AFG1L: variants seen among roughly 807,000 people sequenced by gnomAD.
The protein encoded by AFG1L is AFG1-like ATPase.
A neutral mutation model predicts 62.2 loss-of-function variants in AFG1L; 53 were observed. That is an observed-to-expected ratio of 0.85 (90% CI 0.68 to 1.07). The LOEUF (loss-of-function observed/expected upper bound fraction) is 1.07, where lower values mean the gene tolerates loss of function less well. AFG1L is among the 50% of genes least tolerant of loss of function. The pLI, the probability that AFG1L is intolerant of heterozygous loss-of-function variation, is 0.00. For missense variants in AFG1L, 555 were observed against 590.5 expected (o/e 0.94, Z 0.62); for synonymous variants, 228 against 210.3 (o/e 1.08, Z -0.73).
intron 6 of AFG1L, among the ~76,000 whole-genome samples, chr6:108,370,112 G>T (rs550131373): frequency 7.2e-5 from 10 of 139,152 alleles, no homozygotes; most frequent in African/African-American, 2.7e-4. Flanking sequence ...GAGTGAGGGG[G>T]AGAAGGATGC....
intron 6 of AFG1L, among the ~76,000 whole-genome samples, chr6:108,375,501 C>T (rs1029625012): frequency 2.6e-5 from 4 of 151,868 alleles, no homozygotes; most frequent in Admixed American, 6.6e-5. Flanking sequence ...TGTGTTCCTG[C>T]GGTGTCTAGT....
chr6:108,389,142 T>G lies in AFG1L; in HGVS notation c.749-12854T>G, dbSNP rs957145962. ...TTTACCATTATGTAATGGCCTTCTTTGTCTCTTTTGATCTTTGTTGGTTTA... is the reference window on the plus strand; with the variant it reads ...TTTACCATTATGTAATGGCCTTCTTGGTCTCTTTTGATCTTTGTTGGTTTA... On this transcript the variant is annotated intron_variant, in intron 6 of 12. Coordinates refer to ENST00000368977, the MANE Select transcript of AFG1L (RefSeq NM_145315.5). Among the ~76,000 whole-genome samples the G allele has an allele frequency of 5.9e-5, 9 of 152,332 alleles. No individual in the cohort carries two copies. In the East Asian group the frequency reaches 1.5e-3, roughly 26 times the overall value.
intron 1 of AFG1L, among the ~76,000 whole-genome samples, chr6:108,313,698 C>T (rs951208029): frequency 2.0e-5 from 3 of 152,052 alleles, no homozygotes; most frequent in African/African-American, 7.2e-5. Context: ...CACCACCACA[C>T]CTGGCTAAGT....
chr6:108,453,405 T>C (rs959899743), intron 8 of AFG1L, among the ~76,000 whole-genome samples: 8 of 152,236 alleles, frequency 5.3e-5, no homozygotes, highest in Non-Finnish European at 1.0e-4. Flanking sequence ...GGTTTTCCAC[T>C]TGGGAAATAT....
At chr6:108,514,774 A>G (rs1002728509) in intron 11 of AFG1L, among the ~76,000 whole-genome samples, 2 of 152,196 alleles carry the variant, frequency 1.3e-5, no homozygotes, top group Non-Finnish European at 2.9e-5. Context: ...AGAGACACAC[A>G]TGGACTCAAA....
intron 2 of AFG1L, among the ~76,000 whole-genome samples, chr6:108,325,157 T>C (rs1777989029): frequency 6.6e-6 from 1 of 152,176 alleles, no homozygotes; most frequent in Admixed American, 6.5e-5. Context: ...TTGTCATGCA[T>C]ACCCCTTTCT....
chr6:108,344,929 T>C (rs1778810337), intron 2 of AFG1L: 2 of 390,424 alleles, frequency 5.1e-6, no homozygotes, highest in Non-Finnish European at 1.0e-5. Context: ...TGGACCTGAC[T>C]GCTTTCCTGA....
intron 2 of AFG1L, among the ~76,000 whole-genome samples, chr6:108,335,594 G>C (rs1275953530): frequency 2.0e-5 from 3 of 152,188 alleles, no homozygotes; most frequent in Non-Finnish European, 4.4e-5. Context: ...CAGAACAAGG[G>C]ATATTTTCCA....
chr6:108,397,076 T>C (rs1364121996), intron 6 of AFG1L, among the ~76,000 whole-genome samples: 12 of 152,298 alleles, frequency 7.9e-5, no homozygotes, highest in Admixed American at 6.5e-4. Context: ...TTGCCCAGGC[T>C]GGAGGGCAGT....
chr6:108,471,095 T>C (rs1772872632), intron 8 of AFG1L, among the ~76,000 whole-genome samples: 1 of 152,040 alleles, frequency 6.6e-6, no homozygotes, highest in Non-Finnish European at 1.5e-5. Flanking sequence ...GAGGGAGAAA[T>C]GTGAGGGCAT....
chr6:108,428,323 A>G (rs1770916033), intron 7 of AFG1L, among the ~76,000 whole-genome samples: 1 of 152,168 alleles, frequency 6.6e-6, no homozygotes, highest in Admixed American at 6.5e-5. Flanking sequence ...GTGTATATAT[A>G]TACCACATTT....
At chr6:108,470,681 T>C (rs557007786) in intron 8 of AFG1L, among the ~76,000 whole-genome samples, 1 of 152,340 alleles carries the variant, frequency 6.6e-6, no homozygotes, top group East Asian at 1.9e-4. Flanking sequence ...AGTATTACAG[T>C]GATCACCCTT....
chr6:108,336,121 A>T (rs577092325), intron 2 of AFG1L, among the ~76,000 whole-genome samples: 1 of 152,172 alleles, frequency 6.6e-6, no homozygotes, highest in South Asian at 2.1e-4. Flanking sequence ...GTTTTTAAAG[A>T]TCTTCTTAGA....
chr6:108,444,151 A>G (rs546922457), intron 7 of AFG1L, among the ~76,000 whole-genome samples: 2 of 152,094 alleles, frequency 1.3e-5, no homozygotes, highest in African/African-American at 4.8e-5. Context: ...GTTCTAGGCT[A>G]CTGCAATACA....
At chr6:108,490,039 A>C (rs1284089230) in intron 10 of AFG1L, among the ~76,000 whole-genome samples, 2 of 152,200 alleles carry the variant, frequency 1.3e-5, no homozygotes, top group African/African-American at 2.4e-5. Flanking sequence ...GTTCCTCACC[A>C]TTTTACTGAA....
chr6:108,463,152 G>A (rs1178058381), intron 8 of AFG1L, among the ~76,000 whole-genome samples: 1 of 152,066 alleles, frequency 6.6e-6, no homozygotes, highest in African/African-American at 2.4e-5. Flanking sequence ...AGCCAGGTAT[G>A]GTGGTGCATG....
Position 108,429,455 on chromosome 6 carries a change from C to T in AFG1L, c.808-17759C>T, listed in dbSNP as rs1250062182. 2.0e-5 allele frequency among the ~76,000 whole-genome samples: 3 copies of T among 152,198 alleles called. No homozygotes were observed. In the East Asian group the frequency reaches 5.8e-4, roughly 29 times the overall value. ...GAAGAACACGGGAAAGACCCATCCC[C>T]ATGACTCAATTTCCTCCCACCAGGT... On this transcript the variant is annotated intron_variant, in intron 7 of 12. Coordinates refer to ENST00000368977, the MANE Select transcript of AFG1L (RefSeq NM_145315.5).
chr6:108,492,975 T>C (rs1773830178), intron 10 of AFG1L, among the ~76,000 whole-genome samples: 1 of 152,136 alleles, frequency 6.6e-6, no homozygotes, highest in African/African-American at 2.4e-5. Flanking sequence ...GACATACATT[T>C]GTAACGGCAT....
intron 8 of AFG1L, among the ~76,000 whole-genome samples, chr6:108,457,546 G>A (rs1346855348): frequency 1.3e-5 from 2 of 150,960 alleles, no homozygotes; most frequent in East Asian, 3.9e-4. Flanking sequence ...ATTATTATAT[G>A]CAGTACTTTA....
Sources: allele counts gnomAD v4.1 joint callset (sites outside exome capture counted in the v4.1 genomes callset), GRCh38; gene constraint gnomAD v4.1.1; transcripts MANE v1.5; gene names NCBI Gene and HGNC (gene_info 2026-07-23, HGNC 2026-07-21).